KAZN: variants seen among roughly 807,000 people sequenced by gnomAD.
KAZN encodes the protein kazrin, periplakin interacting protein, also known as kazrin.
In KAZN, 40 loss-of-function variants were observed where a neutral mutation model predicts 87.4. That is an observed-to-expected ratio of 0.46 (90% CI 0.36 to 0.60). The LOEUF (loss-of-function observed/expected upper bound fraction) is 0.60. Among genes scored for constraint, KAZN ranks in the 20% least tolerant of loss-of-function variants. The pLI is 0.00. For missense variants in KAZN, 898 were observed against 1,073.9 expected, an observed-to-expected ratio of 0.84 and a Z score of 2.29; for synonymous variants, 466 against 458.3, an observed-to-expected ratio of 1.02 and a Z score of -0.22.
chr1:13,980,660 G>T (rs1638616542), intron 1 of KAZN, among the ~76,000 whole-genome samples: 1 of 152,128 alleles, frequency 6.6e-6, no homozygotes, highest in Non-Finnish European at 1.5e-5. Context: ...GTAGATACAT[G>T]AACAATCAGG....
chr1:14,566,938 A>G (rs956862741), intron 2 of KAZN, among the ~76,000 whole-genome samples: 1 of 152,246 alleles, frequency 6.6e-6, no homozygotes, highest in Non-Finnish European at 1.5e-5. Context: ...CATATCAGCA[A>G]CAAGGCTCTT....
chr1:14,675,670 A>G (rs1393766109), intron 1 of KAZN, among the ~76,000 whole-genome samples: 1 of 151,954 alleles, frequency 6.6e-6, no homozygotes, highest in Non-Finnish European at 1.5e-5. Flanking sequence ...TCAGAGCTGA[A>G]CTCGGTCTTC....
rs1218785338 is a variant in KAZN at position 15,050,108 on chromosome 1, GAGTAGAGT to G, written c.726+5960_727-5965del. On this transcript the variant is annotated intron_variant, in intron 4 of 14. Coordinates refer to ENST00000376030, the MANE Select transcript of KAZN (RefSeq NM_201628.3). Reference sequence around the variant, plus strand: ...CAGTAGAGTACAGTAGAGTAGAGTAGAGTAGAGTAGTAGAGTAGGTCTCCATCTCAATA... The same window carrying G: ...CAGTAGAGTACAGTAGAGTAGAGTAGAGTAGAGTAGGTCTCCATCTCAATA... 1.8e-4 allele frequency among the ~76,000 whole-genome samples: 22 copies of G among 122,636 alleles called. 1 individual carries two copies. Among genetic ancestry groups the G allele is most frequent in the East Asian group, 1.7e-3 (4 of 2,298 alleles). The allele number at this position is 122,636 out of a possible 152,430, so 80.5% of individuals were successfully genotyped here.
At position 14,569,320 on chromosome 1, in the gene KAZN, C is replaced by CTTT. The variant is rs35144232; in HGVS notation, c.250-29645_250-29643dup. ...TCCTCTACCTCCTCTACTTCCTCTG[C>CTTT]TTTTTTTTTTTTTTTTTTTTGAGAC... On this transcript the variant is annotated intron_variant, in intron 2 of 16. Transcript: ENST00000636203. Among the ~76,000 whole-genome samples, 211 of 92,312 alleles carry CTTT rather than the reference C, an allele frequency of 2.3e-3. 8 individuals are homozygous for CTTT. Among genetic ancestry groups the CTTT allele is most frequent in the Non-Finnish European group, 3.1e-3 (160 of 51,740 alleles). 60.6% of individuals were successfully genotyped at this position (92,312 alleles called of 152,430 possible).
At chr1:14,490,938 A>C (rs1368868332) in intron 2 of KAZN, among the ~76,000 whole-genome samples, 1 of 152,250 alleles carries the variant, frequency 6.6e-6, no homozygotes, top group African/African-American at 2.4e-5. Flanking sequence ...ATTTCAAAAG[A>C]AAAATAAATC....
At chr1:14,736,254 GGTGTGTGTGTGT>G (rs528070001) in intron 1 of KAZN, among the ~76,000 whole-genome samples, 9 of 115,312 alleles carry the variant, frequency 7.8e-5, no homozygotes, top group Admixed American at 9.2e-5. Context: ...GGGACTCAAG[GGTGTGTGTGTGT>G]GTGTGTGTGT....
intron 1 of KAZN, among the ~76,000 whole-genome samples, chr1:14,755,709 C>A (rs958828981): frequency 1.3e-5 from 2 of 152,170 alleles, no homozygotes; most frequent in Non-Finnish European, 2.9e-5. Context: ...ACCCTCTGTG[C>A]CCAGGGCTCC....
At chr1:14,157,951 T>C (rs1645631991) in intron 1 of KAZN, among the ~76,000 whole-genome samples, 1 of 152,030 alleles carries the variant, frequency 6.6e-6, no homozygotes. Flanking sequence ...CTCACTATCA[T>C]GAGAACAGCA....
intron 1 of KAZN, among the ~76,000 whole-genome samples, chr1:14,858,982 G>A (rs1338375326): frequency 6.6e-6 from 1 of 152,096 alleles, no homozygotes; most frequent in African/African-American, 2.4e-5. Flanking sequence ...CGAGGCGGGT[G>A]GATCACGAGG....
intron 2 of KAZN, among the ~76,000 whole-genome samples, chr1:14,268,388 G>A (rs1651661326): frequency 1.3e-5 from 2 of 150,918 alleles, no homozygotes; most frequent in South Asian, 4.2e-4. Flanking sequence ...ATCCTCAGAA[G>A]ATATATCATC....
At chr1:14,681,732 A>C (rs1296648319) in intron 1 of KAZN, among the ~76,000 whole-genome samples, 4 of 118,938 alleles carry the variant, frequency 3.4e-5, no homozygotes, top group Non-Finnish European at 4.9e-5. Flanking sequence ...GCTGGAGTGC[A>C]GTGGCGCAAT....
chr1:14,682,709 C>T (rs554483709), intron 1 of KAZN, among the ~76,000 whole-genome samples: 5 of 152,214 alleles, frequency 3.3e-5, no homozygotes, highest in South Asian at 4.1e-4. Context: ...TTTAAAGGAA[C>T]GTGGAATTAC....
At chr1:14,552,802 ATATAT>A (rs1202977023) in intron 2 of KAZN, among the ~76,000 whole-genome samples, 2 of 152,196 alleles carry the variant, frequency 1.3e-5, no homozygotes, top group African/African-American at 4.8e-5. Context: ...GCATTTTAAA[ATATAT>A]TATCTAATTT....
chr1:14,338,799 G>A (rs79147182), intron 2 of KAZN, among the ~76,000 whole-genome samples: 2,451 of 152,290 alleles, frequency 0.016, 39 homozygotes, highest in Non-Finnish European at 0.025. Context: ...AGACTTCTCA[G>A]TACATAAGTG....
intron 2 of KAZN, among the ~76,000 whole-genome samples, chr1:14,276,323 ACTC>A (rs1184793609): frequency 2.0e-5 from 3 of 151,234 alleles, no homozygotes; most frequent in Non-Finnish European, 4.4e-5. Flanking sequence ...TGTTTTTTCA[ACTC>A]CTGTTGAGAA....
intron 2 of KAZN, among the ~76,000 whole-genome samples, chr1:14,489,697 G>A (rs1669543473): frequency 6.6e-6 from 1 of 150,662 alleles, no homozygotes; most frequent in African/African-American, 2.4e-5. Context: ...TTGCACCACT[G>A]CACTCCAGCC....
At position 14,883,017 on chromosome 1, in the gene KAZN, C is replaced by T. The variant is rs59790738; in HGVS notation, c.227-77667C>T. Reference sequence around the variant, plus strand: ...GGTAACTCAAAAAGTGGTTCTTGGCCGGGCACGGTGGCTCATACCTGTAAT... The same window carrying T: ...GGTAACTCAAAAAGTGGTTCTTGGCTGGGCACGGTGGCTCATACCTGTAAT... On this transcript the variant is annotated intron_variant, in intron 1 of 14. Transcript: ENST00000376030. 7.2e-3 allele frequency among the ~76,000 whole-genome samples: 1,102 copies of T among 152,102 alleles called. 15 individuals carry two copies. Among genetic ancestry groups the T allele is most frequent in the African/African-American group, 0.025 (1,057 of 41,528 alleles).
chr1:14,709,558 C>T lies in KAZN; in HGVS notation c.226+110335C>T, dbSNP rs141530678. ...GCTTCTGCAGGAAGTAAACTCTGTGCCAAGCAGACGGTCCACCTAGGAAAG... is the reference window on the plus strand; with the variant it reads ...GCTTCTGCAGGAAGTAAACTCTGTGTCAAGCAGACGGTCCACCTAGGAAAG... On this transcript the variant is annotated intron_variant, in intron 1 of 14. Transcript: ENST00000376030. 3.8e-3 allele frequency among the ~76,000 whole-genome samples: 581 copies of T among 152,242 alleles called. 7 individuals are homozygous for T. Among genetic ancestry groups the T allele is most frequent in the African/African-American group, 0.013 (547 of 41,540 alleles).
chr1:14,586,525 G>GTTTT (rs371736294), intron 2 of KAZN, among the ~76,000 whole-genome samples: 7 of 125,222 alleles, frequency 5.6e-5, no homozygotes, highest in South Asian at 2.6e-4. Flanking sequence ...TTTCTTTCTG[G>GTTTT]TTTTTTTTTT....
Sources: allele counts gnomAD v4.1 joint callset (sites outside exome capture counted in the v4.1 genomes callset), GRCh38; gene constraint gnomAD v4.1.1; transcripts MANE v1.5; gene names NCBI Gene and HGNC (gene_info 2026-07-23, HGNC 2026-07-21).